The following DPH6 variants were observed in gnomAD, a reference collection of about 807,000 sequenced individuals.
The protein encoded by DPH6 is diphthamine biosynthesis 6.
Under a neutral mutation model 38.2 loss-of-function variants are expected in DPH6, and 33 were observed. The ratio of observed to expected loss-of-function variants is 0.86; its 90% CI spans 0.65 to 1.15. The LOEUF is 1.15. Ranked by LOEUF, DPH6 falls within the 50% of genes most tolerant of loss-of-function variation. The pLI is 0.00. For missense variants in DPH6, 325 were observed against 320.0 expected (o/e 1.02, Z -0.12); for synonymous variants, 108 against 103.0 (o/e 1.05, Z -0.30).
chr15:35,529,288 G>A (rs1184726387), intron 3 of DPH6, among the ~76,000 whole-genome samples: 1 of 152,270 alleles, frequency 6.6e-6, no homozygotes, highest in South Asian at 2.1e-4. Flanking sequence ...CGAAAGAAAA[G>A]CAAGCACATC....
intron 3 of DPH6, among the ~76,000 whole-genome samples, chr15:35,279,962 C>A (rs2051887738): frequency 6.6e-6 from 1 of 152,166 alleles, no homozygotes; most frequent in African/African-American, 2.4e-5. Context: ...GGAGTAATCT[C>A]TTTCCCCACA....
rs2055207425 is a variant in DPH6 at position 35,538,556 on chromosome 15, G to A, written c.119-89C>T. 3.4e-6 allele frequency: 4 copies of A among 1,169,014 alleles called. No individual in the cohort carries two copies. The African/African-American group carries it at 6.2e-5, about 18-fold the overall frequency. The allele number at this position is 1,169,014 out of a possible 1,614,324, so 72.4% of individuals were successfully genotyped here. On this transcript the variant is annotated intron_variant, in intron 2 of 8. Coordinates refer to ENST00000256538, the MANE Select transcript of DPH6 (RefSeq NM_080650.4). Reference sequence around the variant, plus strand: ...CCATCCAGGTTTTACTGCTTGAATAGTCGACACAGAACTTGAAAGCTTGCT... The same window carrying A: ...CCATCCAGGTTTTACTGCTTGAATAATCGACACAGAACTTGAAAGCTTGCT...
chr15:35,415,245 TAA>T (rs1189919964), intron 5 of DPH6, among the ~76,000 whole-genome samples: 1 of 151,650 alleles, frequency 6.6e-6, no homozygotes, highest in Non-Finnish European at 1.5e-5. Context: ...GCCTTCCCTC[TAA>T]CTGTGTGTGT....
At chr15:35,360,298 G>A (rs886347697) in intron 3 of DPH6, among the ~76,000 whole-genome samples, 6 of 144,968 alleles carry the variant, frequency 4.1e-5, no homozygotes, top group East Asian at 2.0e-4. Flanking sequence ...CTGTTACTGC[G>A]GGCACAGGTG....
chr15:35,271,222 G>A (rs748660198), intron 3 of DPH6, among the ~76,000 whole-genome samples: 1 of 152,028 alleles, frequency 6.6e-6, no homozygotes, highest in Admixed American at 6.6e-5. Flanking sequence ...GAAAAGAAGG[G>A]TTAAATAAAA....
At position 35,486,528 on chromosome 15, in the gene DPH6, TCTCAAG is replaced by T. The variant is rs553776531; in HGVS notation, c.313-31714_313-31709del. Among the ~76,000 whole-genome samples the T allele has an allele frequency of 6.5e-3, 987 of 151,900 alleles. 16 individuals carry two copies. The highest frequency in any genetic ancestry group is 0.023 in the African/African-American group (950 of 41,394). On this transcript the variant is annotated intron_variant, in intron 3 of 8. Coordinates refer to ENST00000256538, the MANE Select transcript of DPH6 (RefSeq NM_080650.4). ...AGTGCCACACTTTTAAATCATCAGA[TCTCAAG>T]AGAACTCATGTACTATCATGAGAAC...
intron 3 of DPH6, among the ~76,000 whole-genome samples, chr15:35,486,177 G>A (rs1375224542): frequency 2.6e-5 from 4 of 152,002 alleles, no homozygotes; most frequent in African/African-American, 9.7e-5. Flanking sequence ...TGCAAGCAGG[G>A]GAAATGCCAG....
At chr15:35,327,336 CTTTTT>C (rs376483680), downstream of DPH6, among the ~76,000 whole-genome samples, 2 of 127,810 alleles carry the variant, frequency 1.6e-5, no homozygotes, top group African/African-American at 6.2e-5. Flanking sequence ...GAAAAGGTTC[CTTTTT>C]TTTTTTTTTT....
At chr15:35,392,117 T>C (rs944465347) in intron 6 of DPH6, among the ~76,000 whole-genome samples, 2 of 152,236 alleles carry the variant, frequency 1.3e-5, no homozygotes, top group Admixed American at 1.3e-4. Flanking sequence ...TTGGGTGATT[T>C]CATGGTTTGT....
chr15:35,359,031 C>G (rs1025313646), intron 3 of DPH6, among the ~76,000 whole-genome samples: 1 of 151,958 alleles, frequency 6.6e-6, no homozygotes, highest in Non-Finnish European at 1.5e-5. Context: ...TGTGTGAGCT[C>G]AGACTCTCCG....
chr15:35,529,549 G>C (rs1428746229), intron 3 of DPH6, among the ~76,000 whole-genome samples: 1 of 152,066 alleles, frequency 6.6e-6, no homozygotes, highest in Non-Finnish European at 1.5e-5. Flanking sequence ...CCCCAAATGG[G>C]ATTTTTTCAC....
chr15:35,221,724 C>T (rs375405919), intron 3 of DPH6, among the ~76,000 whole-genome samples: 5 of 152,174 alleles, frequency 3.3e-5, no homozygotes, highest in African/African-American at 9.6e-5. Flanking sequence ...AGCTTGGCTA[C>T]CCCGTTGGTA....
chr15:35,244,520 T>A (rs771144228), intron 3 of DPH6, among the ~76,000 whole-genome samples: 10 of 152,248 alleles, frequency 6.6e-5, no homozygotes, highest in Non-Finnish European at 1.0e-4. Context: ...ATTCATCCCA[T>A]GATGCATTTA....
At chr15:35,437,991 GT>G (rs1317269785) in intron 5 of DPH6, among the ~76,000 whole-genome samples, 1 of 152,174 alleles carries the variant, frequency 6.6e-6, no homozygotes, top group Non-Finnish European at 1.5e-5. Context: ...TCCCTGGGAG[GT>G]TACCTTGGTA....
intron 3 of DPH6, among the ~76,000 whole-genome samples, chr15:35,356,499 A>G (rs917832153): frequency 3.3e-5 from 5 of 152,116 alleles, no homozygotes; most frequent in African/African-American, 1.2e-4. Context: ...TTTCATTTTA[A>G]CAGTCAGGAC....
At chr15:35,324,183 T>C (rs1462051495) in intron 3 of DPH6, among the ~76,000 whole-genome samples, 2 of 152,202 alleles carry the variant, frequency 1.3e-5, no homozygotes, top group South Asian at 2.1e-4. Context: ...CAGCATATGG[T>C]AGACATCAAA....
the DPH6 span, among the ~76,000 whole-genome samples, chr15:35,178,653 T>C: frequency 6.6e-6 from 1 of 152,170 alleles, no homozygotes; most frequent in African/African-American, 2.4e-5. Flanking sequence ...TACAGAAGTT[T>C]TTTTGTTGGC....
intron 3 of DPH6, among the ~76,000 whole-genome samples, chr15:35,359,396 A>G (rs1250484943): frequency 2.6e-5 from 4 of 152,146 alleles, no homozygotes; most frequent in Non-Finnish European, 5.9e-5. Flanking sequence ...TTCTGGACAG[A>G]AGGCTTCTCA....
chr15:35,296,929 C>G (rs1472118419), intron 3 of DPH6, among the ~76,000 whole-genome samples: 2 of 126,780 alleles, frequency 1.6e-5, no homozygotes, highest in African/African-American at 4.3e-5. Context: ...CTCAGCCTCC[C>G]GAGTAGCTGG....
Sources: gnomAD v4.1 joint callset for allele counts (sites outside exome capture counted in the v4.1 genomes callset) on GRCh38, gnomAD v4.1.1 for gene constraint, MANE v1.5 for transcripts, NCBI Gene and HGNC (gene_info 2026-07-23, HGNC 2026-07-21) for gene names.